OSMR: variants seen among roughly 807,000 people sequenced by gnomAD.
OSMR encodes oncostatin M receptor.
Under a neutral mutation model 99.9 loss-of-function variants are expected in OSMR, and 81 were observed. The ratio of observed to expected loss-of-function variants is 0.81; its 90% CI spans 0.68 to 0.97. The LOEUF (loss-of-function observed/expected upper bound fraction) is 0.97, where lower values mean the gene tolerates loss of function less well. OSMR is among the 50% of genes least tolerant of loss of function. The pLI, the probability that OSMR is intolerant of heterozygous loss-of-function variation, is 0.00. For synonymous variants in OSMR, 406 were observed against 410.4 expected (o/e 0.99, Z 0.13); for missense variants, 1,099 against 1,153.4 (o/e 0.95, Z 0.68).
rs1490229936 is a variant in OSMR at position 38,885,514 on chromosome 5, A to G, written c.839+30A>G. Reference sequence around the variant, plus strand: ...GTTGGCTCTGGTTACATTATTGACAACTTCTTCCTTGCTTGAGGTGCTTGT... The same window carrying G: ...GTTGGCTCTGGTTACATTATTGACAGCTTCTTCCTTGCTTGAGGTGCTTGT... On this transcript the variant is annotated intron_variant, in intron 6 of 17. Coordinates refer to ENST00000274276, the MANE Select transcript of OSMR (RefSeq NM_003999.3). The G allele has an allele frequency of 3.1e-6, 5 of 1,613,536 alleles. No individual in the cohort carries two copies. The Admixed American group carries it at 5.0e-5, about 16-fold the overall frequency.
chr5:38,906,111 G>T (rs1184141076), intron 9 of OSMR, among the ~76,000 whole-genome samples: 1 of 151,232 alleles, frequency 6.6e-6, no homozygotes, highest in Admixed American at 6.6e-5. Context: ...TGAGAGGAAT[G>T]TTGCATTTTC....
Position 38,932,978 on chromosome 5 carries a change from A to G in OSMR, c.2474A>G (p.Lys825Arg). The G allele has an allele frequency of 6.2e-7, 1 of 1,614,222 alleles. No individual in the cohort carries two copies. Among genetic ancestry groups the G allele is most frequent in the Non-Finnish European group, 8.5e-7 (1 of 1,180,028 alleles). ...GTKIQFLGTR[K>R]SLTETELTKP... is the part of the protein sequence containing the mutation. Reference sequence around the variant, plus strand: ...AAGATACAGTTCCTAGGCACTAGGAAGTCACTCACAGAAACCGAGTTGACT... The same window carrying G: ...AAGATACAGTTCCTAGGCACTAGGAGGTCACTCACAGAAACCGAGTTGACT... Residue 825 changes from lysine to arginine, a missense_variant, in exon 18 of 18, where the codon AAG becomes AGG. By Grantham distance (26) the Lys-to-Arg change is conservative (BLOSUM62 2). Transcript: ENST00000274276.
At chr5:38,862,572 C>T (rs1292244068) in intron 1 of OSMR, among the ~76,000 whole-genome samples, 14 of 149,156 alleles carry the variant, frequency 9.4e-5, no homozygotes, top group African/African-American at 1.5e-4. Flanking sequence ...ACGGGGCGGC[C>T]GGGCAGAGAT....
At chr5:38,899,693 G>A in intron 7 of OSMR, among the ~76,000 whole-genome samples, 1 of 152,190 alleles carries the variant, frequency 6.6e-6, no homozygotes. Context: ...TGTGTCTTTA[G>A]AAATGTCATC....
chr5:38,894,799 C>G (rs140817130), intron 7 of OSMR, among the ~76,000 whole-genome samples: 1 of 151,894 alleles, frequency 6.6e-6, no homozygotes, highest in Non-Finnish European at 1.5e-5. Context: ...ATTAGATCAT[C>G]GAGGGAGAAA....
chr5:38,940,959 A>G lies in OSMR; in HGVS notation c.75-3242A>G, dbSNP rs1289130134. ...CACAAATGAATTAAAAAAGAATCCT[A>G]ATCAGTCCAGCTGGATTTTCTATTT... On this transcript the variant is annotated intron_variant and NMD_transcript_variant, in intron 1 of 2. Transcript: ENST00000508882. 4 of 232,582 alleles carry G rather than the reference A, an allele frequency of 1.7e-5. No individual in the cohort carries two copies. The East Asian group carries it at 2.4e-4, about 14-fold the overall frequency. 14.4% of individuals were successfully genotyped at this position (232,582 alleles called of 1,614,324 possible).
At chr5:38,904,081 G>A (rs1745065801) in intron 8 of OSMR, 57 bp downstream of exon 8, 1 of 1,601,532 alleles carries the variant, frequency 6.2e-7, no homozygotes, top group Non-Finnish European at 8.5e-7. Flanking sequence ...CCTGAACAGA[G>A]ACACTGATGA....
At chr5:38,882,504 G>A (rs1743369160) in intron 4 of OSMR, among the ~76,000 whole-genome samples, 1 of 152,104 alleles carries the variant, frequency 6.6e-6, no homozygotes. Context: ...GAACCCAGGA[G>A]GCAGAGGTTG....
intron 9 of OSMR, among the ~76,000 whole-genome samples, chr5:38,908,046 C>T (rs1250815415): frequency 1.3e-5 from 2 of 152,150 alleles, no homozygotes; most frequent in Non-Finnish European, 2.9e-5. Context: ...CACAACCCCC[C>T]CAACACCATC....
At chr5:38,888,896 A>C (rs1476837175) in intron 7 of OSMR, among the ~76,000 whole-genome samples, 2 of 152,202 alleles carry the variant, frequency 1.3e-5, no homozygotes, top group Admixed American at 1.3e-4. Flanking sequence ...TGTCAATGAA[A>C]GTTTTACTCT....
At chr5:38,889,561 C>G (rs559269244) in intron 7 of OSMR, among the ~76,000 whole-genome samples, 1 of 152,134 alleles carries the variant, frequency 6.6e-6, no homozygotes, top group East Asian at 1.9e-4. Context: ...ATATTGTTCT[C>G]TAATATCTTT....
intron 7 of OSMR, among the ~76,000 whole-genome samples, chr5:38,899,971 G>A (rs1460052286): frequency 1.3e-5 from 2 of 152,130 alleles, no homozygotes; most frequent in Non-Finnish European, 2.9e-5. Context: ...GCCCGGCTCA[G>A]CACCATGATT....
At chr5:38,940,921 TA>T in intron 1 of OSMR, 1 of 232,502 alleles carries the variant, frequency 4.3e-6, no homozygotes, top group Non-Finnish European at 8.5e-6. Flanking sequence ...GTAATTGTAA[TA>T]AAAATGTTAT....
chr5:38,861,595 G>A (rs1408547292), intron 1 of OSMR, among the ~76,000 whole-genome samples: 1 of 152,056 alleles, frequency 6.6e-6, no homozygotes, highest in Non-Finnish European at 1.5e-5. Flanking sequence ...CCACAAAACC[G>A]CCATTGTCAT....
intron 13 of OSMR, 71 bp downstream of exon 13, chr5:38,923,325 G>C: frequency 1.0e-6 from 1 of 1,000,150 alleles, no homozygotes; most frequent in Non-Finnish European, 1.6e-6. Flanking sequence ...CCTAGCTTTG[G>C]GTTTAGGAAG....
At chr5:38,942,249 A>C in intron 1 of OSMR, 1 of 1,095,572 alleles carries the variant, frequency 9.1e-7, no homozygotes. Flanking sequence ...GCTTTTAGGA[A>C]ATCCACAAAT....
intron 9 of OSMR, among the ~76,000 whole-genome samples, chr5:38,915,276 A>T (rs1462769370): frequency 6.6e-6 from 1 of 152,226 alleles, no homozygotes; most frequent in African/African-American, 2.4e-5. Context: ...TTTCTCAAAA[A>T]TTTGACAGCA....
At chr5:38,926,551 A>G (rs1363893426) in intron 15 of OSMR, among the ~76,000 whole-genome samples, 3 of 152,144 alleles carry the variant, frequency 2.0e-5, no homozygotes, top group Non-Finnish European at 1.5e-5. Context: ...CACTTATAAA[A>G]CCATCAGATC....
chr5:38,866,616 T>A lies in OSMR; in HGVS notation c.-13-2416T>A, dbSNP rs13362396. 6.6e-3 allele frequency among the ~76,000 whole-genome samples: 1,003 copies of A among 152,034 alleles called. 6 individuals are homozygous for A. The highest frequency in any genetic ancestry group is 0.041 in the Middle Eastern group (12 of 294). On this transcript the variant is annotated intron_variant, in intron 1 of 17. Coordinates refer to ENST00000274276, the MANE Select transcript of OSMR (RefSeq NM_003999.3). ...AGCCCTCTGAATGGATATTGGGTGATGTCCGCAGGGCTGCAGGAATGTGGA... is the reference window on the plus strand; with the variant it reads ...AGCCCTCTGAATGGATATTGGGTGAAGTCCGCAGGGCTGCAGGAATGTGGA...
Sources: gnomAD v4.1 joint callset for allele counts (sites outside exome capture counted in the v4.1 genomes callset) on GRCh38, gnomAD v4.1.1 for gene constraint, MANE v1.5 for transcripts, NCBI Gene and HGNC (gene_info 2026-07-23, HGNC 2026-07-21) for gene names.